Variants in GLRA3 observed in about 807,000 individuals in gnomAD.
GLRA3 encodes the protein glycine receptor alpha 3.
Under a neutral mutation model 60.4 loss-of-function variants are expected in GLRA3, and 44 were observed. That is an observed-to-expected ratio of 0.73 (90% CI 0.57 to 0.94). The LOEUF is 0.94. Ranked by LOEUF, GLRA3 falls within the 40% of genes least tolerant of loss-of-function variation. The pLI, the probability that GLRA3 is intolerant of heterozygous loss-of-function variation, is 0.00. For missense variants in GLRA3, 508 were observed against 564.6 expected, an observed-to-expected ratio of 0.90 and a Z score of 1.02; for synonymous variants, 223 against 192.9, an observed-to-expected ratio of 1.16 and a Z score of -1.29.
intron 3 of GLRA3, among the ~76,000 whole-genome samples, chr4:174,754,195 A>T (rs1383229921): frequency 1.3e-5 from 2 of 152,096 alleles, no homozygotes; most frequent in African/African-American, 4.8e-5. Context: ...TTAAGCAGAG[A>T]TTTATTCATA....
chr4:174,711,565 G>T (rs897814951), intron 5 of GLRA3, among the ~76,000 whole-genome samples: 1 of 151,538 alleles, frequency 6.6e-6, no homozygotes, highest in Admixed American at 6.6e-5. Context: ...TCAGCCACCC[G>T]AGCAGCTGGG....
chr4:174,802,437 A>T (rs1300185805), intron 1 of GLRA3, among the ~76,000 whole-genome samples: 1 of 152,030 alleles, frequency 6.6e-6, no homozygotes, highest in Admixed American at 6.6e-5. Context: ...ATCTATCATG[A>T]TTGTCCAACT....
Position 174,643,569 on chromosome 4 carries a change from T to C in GLRA3, c.*217A>G. ...AAAAACAAATCACCTGGAATTAATATGAAATAGAATCCCCTAATAAATATT... is the reference window on the plus strand; with the variant it reads ...AAAAACAAATCACCTGGAATTAATACGAAATAGAATCCCCTAATAAATATT... On this transcript the variant is annotated 3_prime_UTR_variant, in exon 10 of 10. Coordinates refer to ENST00000274093, the MANE Select transcript of GLRA3 (RefSeq NM_006529.4). 2 of 1,221,812 alleles carry C rather than the reference T, an allele frequency of 1.6e-6. No homozygotes were observed. Among genetic ancestry groups the C allele is most frequent in the Non-Finnish European group, 2.0e-6 (2 of 975,838 alleles). 75.7% of individuals were successfully genotyped at this position (1,221,812 alleles called of 1,614,324 possible). A position where few individuals can be genotyped will look rare whatever the true frequency, so the allele number is the denominator to read the frequency against.
chr4:174,743,894 C>T (rs1737124063), intron 3 of GLRA3, among the ~76,000 whole-genome samples: 1 of 151,946 alleles, frequency 6.6e-6, no homozygotes, highest in South Asian at 2.1e-4. Flanking sequence ...TTTATGAGTA[C>T]AGAACAGGAC....
chr4:174,752,397 T>G (rs2111198780), intron 3 of GLRA3, among the ~76,000 whole-genome samples: 1 of 152,216 alleles, frequency 6.6e-6, no homozygotes. Flanking sequence ...ACCTGGCTAT[T>G]CTCTTATTAC....
At chr4:174,780,966 A>G (rs1354200500) in intron 2 of GLRA3, among the ~76,000 whole-genome samples, 5 of 152,220 alleles carry the variant, frequency 3.3e-5, no homozygotes, top group Non-Finnish European at 7.3e-5. Flanking sequence ...AAGTGGACCT[A>G]ATAGACATCT....
rs13134785 is a variant in GLRA3, at chr4:174,725,375, A to T, written c.491+3100T>A. 2.5e-3 allele frequency among the ~76,000 whole-genome samples: 382 copies of T among 152,022 alleles called. 3 individuals are homozygous for T. The highest frequency in any genetic ancestry group is 4.0e-3 in the Non-Finnish European group (271 of 67,974). On this transcript the variant is annotated intron_variant, in intron 4 of 9. Transcript: ENST00000274093. ...GATTTGGTTTCACTTTGTAGCTTCT[A>T]TTTCTTTGCTGAGGCTATTTTTCTC...
chr4:174,696,772 G>T, intron 5 of GLRA3, among the ~76,000 whole-genome samples: 1 of 151,906 alleles, frequency 6.6e-6, no homozygotes, highest in East Asian at 1.9e-4. Flanking sequence ...TATAGTATAG[G>T]TACATACACA....
At chr4:174,809,806 A>G (rs986503964) in intron 1 of GLRA3, among the ~76,000 whole-genome samples, 4 of 152,204 alleles carry the variant, frequency 2.6e-5, no homozygotes, top group Non-Finnish European at 5.9e-5. Context: ...GGGAGGTAGG[A>G]CTAAAGAATG....
intron 5 of GLRA3, among the ~76,000 whole-genome samples, chr4:174,704,691 C>T (rs80090584): frequency 0.14 from 20,197 of 143,230 alleles, 4,359 homozygotes; most frequent in Admixed American, 0.25. Context: ...ATGAAAGTAA[C>T]CCATTTCCAT....
At chr4:174,759,999 A>C (rs1737876750) in intron 3 of GLRA3, among the ~76,000 whole-genome samples, 1 of 152,154 alleles carries the variant, frequency 6.6e-6, no homozygotes, top group Non-Finnish European at 1.5e-5. Context: ...AACAAGGTTA[A>C]ATTTTGTGAA....
intron 1 of GLRA3, among the ~76,000 whole-genome samples, chr4:174,807,474 A>G (rs1438746749): frequency 1.3e-5 from 2 of 152,044 alleles, no homozygotes; most frequent in Non-Finnish European, 2.9e-5. Flanking sequence ...CTATAAAGAG[A>G]TTTATATGTA....
intron 8 of GLRA3, among the ~76,000 whole-genome samples, chr4:174,656,995 TTA>T (rs573744472): frequency 3.3e-4 from 50 of 152,148 alleles, no homozygotes; most frequent in Non-Finnish European, 6.0e-4. Flanking sequence ...TAAATCATAA[TTA>T]TGTTTAATTA....
chr4:174,667,499 T>C (rs1036516732), intron 7 of GLRA3, among the ~76,000 whole-genome samples: 3 of 152,084 alleles, frequency 2.0e-5, no homozygotes, highest in African/African-American at 7.2e-5. Context: ...GAATAAGAAA[T>C]GTCCCCTGAT....
intron 3 of GLRA3, among the ~76,000 whole-genome samples, chr4:174,739,470 C>A (rs574753004): frequency 3.3e-5 from 5 of 152,108 alleles, no homozygotes; most frequent in Non-Finnish European, 5.9e-5. Flanking sequence ...GATGTGACTA[C>A]GACCCCTTGC....
intron 5 of GLRA3, among the ~76,000 whole-genome samples, chr4:174,691,800 T>A (rs2111011676): frequency 6.6e-6 from 1 of 152,248 alleles, no homozygotes; most frequent in Non-Finnish European, 1.5e-5. Flanking sequence ...TTGCAGCCTC[T>A]GCCCGGCCGC....
At chr4:174,698,999 CTTTT>C (rs35453287) in intron 5 of GLRA3, among the ~76,000 whole-genome samples, 1 of 143,832 alleles carries the variant, frequency 7.0e-6, no homozygotes, top group African/African-American at 2.6e-5. Flanking sequence ...CTTATAATTA[CTTTT>C]TTTTTTTTTT....
intron 1 of GLRA3, among the ~76,000 whole-genome samples, chr4:174,823,978 T>A (rs1437341790): frequency 1.3e-5 from 2 of 152,220 alleles, no homozygotes; most frequent in African/African-American, 4.8e-5. Context: ...AAGTGTTCTA[T>A]CCTCATCGTT....
intron 9 of GLRA3, among the ~76,000 whole-genome samples, chr4:174,647,140 C>A (rs1277004475): frequency 6.6e-6 from 1 of 152,152 alleles, no homozygotes; most frequent in Non-Finnish European, 1.5e-5. Flanking sequence ...GGGGCGGAGG[C>A]TCACGCCCAT....
Sources: allele counts gnomAD v4.1 joint callset (sites outside exome capture counted in the v4.1 genomes callset), GRCh38; gene constraint gnomAD v4.1.1; transcripts MANE v1.5; gene names NCBI Gene and HGNC (gene_info 2026-07-23, HGNC 2026-07-21).